Variants in ECT2L observed in about 807,000 individuals in gnomAD.
ECT2L encodes the protein epithelial cell-transforming sequence 2 oncogene-like.
ECT2L carries 126 observed loss-of-function variants against 122.8 expected under a neutral mutation model. The observed-to-expected ratio is 1.03, with a 90% CI of 0.89 to 1.19. The LOEUF is 1.19. ECT2L is among the 50% of genes most tolerant of loss of function. The probability of loss-of-function intolerance (pLI) is 0.00; values close to 1 mark genes in which losing one functional copy is unlikely to be tolerated. For missense variants in ECT2L, 1,012 were observed against 1,064.1 expected (o/e 0.95, Z 0.68); for synonymous variants, 385 against 381.8 (o/e 1.01, Z -0.10).
rs749645520 is a variant in ECT2L, at chr6:138,806,510, G to GCTT, written c.-243-6327_-243-6325dup. On this transcript the variant is annotated intron_variant, in intron 1 of 21. Transcript: ENST00000541398. ...ATCCCCTGTGCAGCTGAAAATTCAC[G>GCTT]CTTTTTTTTTTTTTTTTTTTGAGAT... Among the ~76,000 whole-genome samples, 8 of 30,892 alleles carry GCTT rather than the reference G, an allele frequency of 2.6e-4. 3 individuals are homozygous for GCTT. The highest frequency in any genetic ancestry group is 8.7e-4 in the Admixed American group (2 of 2,312). The allele number at this position is 30,892 out of a possible 152,430, so 20.3% of individuals were successfully genotyped here.
chr6:138,824,528 T>A (rs1583559583), intron 4 of ECT2L, among the ~76,000 whole-genome samples: 2 of 94,398 alleles, frequency 2.1e-5, no homozygotes, highest in African/African-American at 3.9e-5. Context: ...ATCCACCTCC[T>A]CCAAAAAAGC....
intron 16 of ECT2L, among the ~76,000 whole-genome samples, chr6:138,884,044 T>C (rs1778729376): frequency 6.6e-6 from 1 of 152,148 alleles, no homozygotes; most frequent in South Asian, 2.1e-4. Flanking sequence ...TTTTGTATTT[T>C]TTGTAGAGAC....
Position 138,888,969 on chromosome 6 carries a change from G to A in ECT2L, c.2352G>A (p.Leu784=). 1 of 1,520,510 alleles carries A rather than the reference G, an allele frequency of 6.6e-7. No individual in the cohort carries two copies. Among genetic ancestry groups the A allele is most frequent in the Non-Finnish European group, 8.9e-7 (1 of 1,126,646 alleles). The allele number at this position is 1,520,510 out of a possible 1,614,324, so 94.2% of individuals were successfully genotyped here. The part of the protein sequence containing the change: ...CPTLSEVNRY[L]IRVQDVAQLH... ...CTCTATCAGAAGTAAACAGATATCT[G>A]ATTAGGGTACAAGATGTAGCCCAAC... Residue 784 remains leucine (L), a synonymous_variant, in exon 20 of 22, where the codon CTG becomes CTA. Coordinates refer to ENST00000541398, the MANE Select transcript of ECT2L (RefSeq NM_001077706.3).
rs771123302 is a variant in ECT2L, at chr6:138,882,725, C to T, written c.1882C>T (p.Gln628Ter). 1.2e-6 allele frequency: 2 copies of T among 1,613,686 alleles called. No homozygotes were observed. Among genetic ancestry groups the T allele is most frequent in the Non-Finnish European group, 1.7e-6 (2 of 1,179,882 alleles). The change falls in exon 16 of 22, where the codon CAG becomes TAG. Residue 628 changes from glutamine to a stop codon, truncating the protein, a stop_gained and splice_region_variant. Transcript: ENST00000541398. LOFTEE classifies it high-confidence loss of function. ...DILQILSLNR[Q>*]FLDNLRDRLQ... ...GCTTATGCTCTTCTCATACCACAGG[C>T]AGTTTCTAGATAACCTGAGAGACAG...
chr6:138,867,697 C>T (rs1157696628), intron 12 of ECT2L, among the ~76,000 whole-genome samples: 1 of 150,006 alleles, frequency 6.7e-6, no homozygotes, highest in Non-Finnish European at 1.5e-5. Flanking sequence ...GGCGTGGTGG[C>T]AGGCACCTGT....
intron 19 of ECT2L, among the ~76,000 whole-genome samples, 183 bp from the exon 20 acceptor site, chr6:138,888,755 GTTTTC>G (rs1778917061): frequency 6.6e-6 from 1 of 151,732 alleles, no homozygotes; most frequent in Non-Finnish European, 1.5e-5. Context: ...CTTAAATATA[GTTTTC>G]TTTGTCAATA....
chr6:138,902,408 C>A, intron 21 of ECT2L, 92 bp from the exon 22 acceptor site: 2 of 1,248,668 alleles, frequency 1.6e-6, no homozygotes, highest in Non-Finnish European at 2.2e-6. Flanking sequence ...TTAAAAAATT[C>A]TTAAAGATGA....
At chr6:138,887,883 T>C (rs562717158) in intron 19 of ECT2L, among the ~76,000 whole-genome samples, 1 of 152,332 alleles carries the variant, frequency 6.6e-6, no homozygotes, top group South Asian at 2.1e-4. Context: ...CATTTCCAGC[T>C]GTCAGCGGCT....
At chr6:138,854,290 C>T (rs903539819) in intron 10 of ECT2L, 136 bp downstream of exon 10, 2 of 1,076,274 alleles carry the variant, frequency 1.9e-6, no homozygotes, top group Non-Finnish European at 2.6e-6. Context: ...TTGTACTTCA[C>T]ATATCCAGGT....
At chr6:138,888,488 A>G (rs1778906616) in intron 19 of ECT2L, among the ~76,000 whole-genome samples, 1 of 150,596 alleles carries the variant, frequency 6.6e-6, no homozygotes, top group Admixed American at 6.6e-5. Context: ...TTTTTTTTGT[A>G]TTTTTAATAG....
intron 4 of ECT2L, among the ~76,000 whole-genome samples, chr6:138,835,628 G>A (rs1354687615): frequency 6.6e-6 from 1 of 151,752 alleles, no homozygotes; most frequent in African/African-American, 2.4e-5. Context: ...AGAATCACTT[G>A]AGAGTAAATT....
chr6:138,833,157 G>T (rs1282869608), intron 4 of ECT2L, among the ~76,000 whole-genome samples: 1 of 152,138 alleles, frequency 6.6e-6, no homozygotes, highest in Non-Finnish European at 1.5e-5. Context: ...TCCCTCCCTT[G>T]ACATGTGGGG....
At position 138,849,448 on chromosome 6, in the gene ECT2L, T is replaced by C; in HGVS notation, c.1069+14T>C. ...ATTTACTCCAAGGTAGGCCTGGGGATTGGCGGATGAACAACCATGGAACTT... is the reference window on the plus strand; with the variant it reads ...ATTTACTCCAAGGTAGGCCTGGGGACTGGCGGATGAACAACCATGGAACTT... On this transcript the variant is annotated intron_variant, in intron 9 of 21. Transcript: ENST00000541398. 4 of 1,608,598 alleles carry C rather than the reference T, an allele frequency of 2.5e-6. No homozygotes were observed. Among genetic ancestry groups the C allele is most frequent in the East Asian group, 4.5e-5 (2 of 44,658 alleles).
rs1170631663 is a variant in ECT2L at position 138,847,355 on chromosome 6, C to CTTTTTTTTTT, written c.903+702_903+711dup. Among the ~76,000 whole-genome samples the CTTTTTTTTTT allele has an allele frequency of 4.9e-4, 27 of 54,954 alleles. 6 individuals are homozygous for CTTTTTTTTTT. Among genetic ancestry groups the CTTTTTTTTTT allele is most frequent in the African/African-American group, 2.0e-3 (25 of 12,292 alleles). The allele number at this position is 54,954 out of a possible 152,430, so 36.1% of individuals were successfully genotyped here. A position where few individuals can be genotyped will look rare whatever the true frequency, so the allele number is the denominator to read the frequency against. On this transcript the variant is annotated intron_variant, in intron 8 of 21. Coordinates refer to ENST00000541398, the MANE Select transcript of ECT2L (RefSeq NM_001077706.3). ...TTTGAAAAAGCATTAAAGGCCCAAA[C>CTTTTTTTTTT]TTTTTTTTTTTTTTTTTTTTTTTTT...
chr6:138,864,002 T>TAAAAAAAAAAAAAAAA lies in ECT2L; in HGVS notation c.1292-982_1292-967dup, dbSNP rs1172466449. The stretch of plus-strand genomic sequence containing the variant: ...CTCTCTTGTTCTCATTCTCCGTATT[T>TAAAAAAAAAAAAAAAA]AAAAAAAAAAAAAAAAAAAAAAAAA... On this transcript the variant is annotated intron_variant, in intron 11 of 21. Transcript: ENST00000541398. Among the ~76,000 whole-genome samples the TAAAAAAAAAAAAAAAA allele has an allele frequency of 7.9e-4, 44 of 55,872 alleles. 8 individuals are homozygous for TAAAAAAAAAAAAAAAA. Among genetic ancestry groups the TAAAAAAAAAAAAAAAA allele is most frequent in the African/African-American group, 3.3e-3 (42 of 12,776 alleles). 36.7% of individuals were successfully genotyped at this position (55,872 alleles called of 152,430 possible).
At chr6:138,819,662 G>T (rs921631904) in intron 4 of ECT2L, among the ~76,000 whole-genome samples, 9 of 151,872 alleles carry the variant, frequency 5.9e-5, no homozygotes, top group Non-Finnish European at 8.8e-5. Flanking sequence ...AAGATAATCA[G>T]AAAAAAATTT....
rs116711637 is a variant in ECT2L at position 138,829,412 on chromosome 6, C to T, written c.180-8940C>T. 1.4e-3 allele frequency among the ~76,000 whole-genome samples: 219 copies of T among 152,230 alleles called. 1 individual carries two copies. The highest frequency in any genetic ancestry group is 5.0e-3 in the African/African-American group (209 of 41,540). On this transcript the variant is annotated intron_variant, in intron 4 of 21. Transcript: ENST00000541398. ...GAAAAGTTACAATGCATCAAGAGTTCGGATCCATACTCTCAATTCAAATTC... is the reference window on the plus strand; with the variant it reads ...GAAAAGTTACAATGCATCAAGAGTTTGGATCCATACTCTCAATTCAAATTC...
intron 4 of ECT2L, among the ~76,000 whole-genome samples, chr6:138,824,495 A>T (rs1171643197): frequency 1.0e-4 from 15 of 148,634 alleles, no homozygotes; most frequent in Non-Finnish European, 2.1e-4. Context: ...TGTTTTTTTT[A>T]AATTTGTAAG....
chr6:138,831,906 T>TC (rs139345699), intron 4 of ECT2L, among the ~76,000 whole-genome samples: 2,890 of 152,062 alleles, frequency 0.019, 38 homozygotes, highest in Non-Finnish European at 0.028. Context: ...CTATAAATCT[T>TC]CCCCCCAGGA....
Sources: gnomAD v4.1 joint callset for allele counts (sites outside exome capture counted in the v4.1 genomes callset) on GRCh38, gnomAD v4.1.1 for gene constraint, MANE v1.5 for transcripts, NCBI Gene and HGNC (gene_info 2026-07-23, HGNC 2026-07-21) for gene names.